The following SLC22A23 variants were observed in gnomAD, a reference collection of about 807,000 sequenced individuals.
SLC22A23 encodes ion transporter protein.
SLC22A23 carries 26 observed loss-of-function variants against 61.0 expected under a neutral mutation model. The observed-to-expected ratio is 0.43, with a 90% CI of 0.31 to 0.59. The LOEUF is 0.59. SLC22A23 is among the 20% of genes least tolerant of loss of function. The pLI is 0.11. For synonymous variants in SLC22A23, 430 were observed against 413.9 expected, an observed-to-expected ratio of 1.04 and a Z score of -0.47; for missense variants, 796 against 934.7, an observed-to-expected ratio of 0.85 and a Z score of 1.94.
intron 1 of SLC22A23, among the ~76,000 whole-genome samples, chr6:3,436,174 C>T (rs532839351): frequency 1.1e-4 from 17 of 151,634 alleles, no homozygotes; most frequent in African/African-American, 2.9e-4. Flanking sequence ...TTTTTTGAGA[C>T]GGAGTCTCAA....
At position 3,346,524 on chromosome 6, in the gene SLC22A23, C is replaced by G. The variant is rs376362031; in HGVS notation, c.914-22522G>C. Reference sequence around the variant, plus strand: ...TACTCTGTTCCAGCTTGGGTAGGGTCCCCTCCGTATCTGCTGCCACACAGC... The same window carrying G: ...TACTCTGTTCCAGCTTGGGTAGGGTGCCCTCCGTATCTGCTGCCACACAGC... On this transcript the variant is annotated intron_variant, in intron 3 of 9. Coordinates refer to ENST00000406686, the MANE Select transcript of SLC22A23 (RefSeq NM_015482.2). Among the ~76,000 whole-genome samples the G allele has an allele frequency of 3.3e-5, 5 of 152,328 alleles. No individual in the cohort carries two copies. The South Asian group carries it at 1.0e-3, about 32-fold the overall frequency.
chr6:3,354,412 A>G (rs9378363), intron 3 of SLC22A23, among the ~76,000 whole-genome samples: 59,783 of 152,124 alleles, frequency 0.39, 13,380 homozygotes, highest in African/African-American at 0.61. Flanking sequence ...AATCTCAAGA[A>G]GATTCAGATT....
chr6:3,395,025 A>T (rs1270673152), intron 3 of SLC22A23, among the ~76,000 whole-genome samples: 1 of 152,180 alleles, frequency 6.6e-6, no homozygotes, highest in East Asian at 1.9e-4. Flanking sequence ...ACGGGTCACC[A>T]AGGTGGGGCT....
chr6:3,428,182 G>C (rs1343878533), intron 1 of SLC22A23, among the ~76,000 whole-genome samples: 1 of 152,248 alleles, frequency 6.6e-6, no homozygotes, highest in Non-Finnish European at 1.5e-5. Flanking sequence ...AAAGGGAGCA[G>C]AGACCCTCTC....
chr6:3,279,509 CA>C (rs10642564), intron 9 of SLC22A23, among the ~76,000 whole-genome samples: 1,182 of 35,880 alleles, frequency 0.033, 6 homozygotes, highest in African/African-American at 0.061. Context: ...GGCTCCGTCT[CA>C]AAAAAAAAAA....
chr6:3,364,196 T>C (rs1031271281), intron 3 of SLC22A23, among the ~76,000 whole-genome samples: 5 of 152,200 alleles, frequency 3.3e-5, no homozygotes, highest in Admixed American at 2.0e-4. Context: ...ACACTAACTG[T>C]CCTTATGGTG....
chr6:3,316,610 A>G (rs1206907759), intron 4 of SLC22A23, among the ~76,000 whole-genome samples: 3 of 152,178 alleles, frequency 2.0e-5, no homozygotes, highest in African/African-American at 4.8e-5. Flanking sequence ...ACTAGCATCA[A>G]AATTCTGCAC....
At chr6:3,405,932 C>A (rs549182600) in intron 3 of SLC22A23, among the ~76,000 whole-genome samples, 7 of 152,274 alleles carry the variant, frequency 4.6e-5, no homozygotes, top group African/African-American at 1.7e-4. Context: ...CTGGTTGCTC[C>A]TTGATCTTGT....
In SLC22A23 at chr6:3,304,711, A is replaced by T. The variant is rs1338101033; in HGVS notation, c.1083-6493T>A. Among the ~76,000 whole-genome samples the T allele has an allele frequency of 6.6e-6, 1 of 151,974 alleles. No homozygotes were observed. Among genetic ancestry groups the T allele is most frequent in the Non-Finnish European group, 1.5e-5 (1 of 67,990 alleles). On this transcript the variant is annotated intron_variant, in intron 4 of 9. Transcript: ENST00000406686. This position sits in a 1 kb window ranked among gnomAD's most constrained non-coding sequence, Gnocchi z 4.3. ...TCTGGAGAGGCCGGGCTCTGCTTGG[A>T]CCGTCTTGGAAGATGAGCAGCTGCA...
intron 4 of SLC22A23, chr6:3,311,951 GGTCTT>G (rs1446310630): frequency 6.6e-6 from 1 of 152,170 alleles, no homozygotes. Flanking sequence ...ACGGCACCAA[GGTCTT>G]GCCTGGCTTC....
intron 5 of SLC22A23, among the ~76,000 whole-genome samples, chr6:3,292,297 C>T (rs1343334774): frequency 6.6e-6 from 1 of 152,210 alleles, no homozygotes; most frequent in Non-Finnish European, 1.5e-5. Context: ...TAGGACACTT[C>T]AGATGGTTCT....
At position 3,386,142 on chromosome 6, in the gene SLC22A23, C is replaced by T. The variant is rs575277270; in HGVS notation, c.913+24046G>A. ...AACTCACACCTTTCCACACCCCTCC[C>T]GGGTGTCTCATTACCTGACGAGGTG... On this transcript the variant is annotated intron_variant, in intron 3 of 9. Coordinates refer to ENST00000406686, the MANE Select transcript of SLC22A23 (RefSeq NM_015482.2). The surrounding 1 kb of genome is among the most constrained non-coding windows in gnomAD (Gnocchi z 4.4). Among the ~76,000 whole-genome samples, 218 of 152,294 alleles carry T rather than the reference C, an allele frequency of 1.4e-3. 6 individuals carry two copies. The highest frequency in any genetic ancestry group is 8.1e-3 in the East Asian group (42 of 5,188).
In SLC22A23 at chr6:3,323,915, C is replaced by T; in HGVS notation, c.1001G>A (p.Gly334Glu). 1.2e-6 allele frequency: 2 copies of T among 1,614,206 alleles called. No homozygotes were observed. The highest frequency in any genetic ancestry group is 8.5e-7 in the Non-Finnish European group (1 of 1,180,044). ...VAMAGQFLMPGLAALCRDWQV... is the reference protein window; with the variant it reads ...VAMAGQFLMPELAALCRDWQV... The stretch of plus-strand genomic sequence containing the variant: ...CCAATCCCGGCACAGGGCGGCTAGC[C>T]CAGGCATGAGGAACTGGCCCGCCAT... The change falls in exon 4 of 10, where the codon GGG (glycine) becomes GAG (glutamate). Residue 334 changes from glycine to glutamate, a missense_variant. Coordinates refer to ENST00000406686, the MANE Select transcript of SLC22A23 (RefSeq NM_015482.2).
In SLC22A23 at chr6:3,271,113, G is replaced by A. The variant is rs1758446383; in HGVS notation, c.*1942C>T. 6.6e-6 allele frequency: 1 copy of A among 152,390 alleles called. No homozygotes were observed. Among genetic ancestry groups the A allele is most frequent in the South Asian group, 2.1e-4 (1 of 4,834 alleles). 9.4% of individuals were successfully genotyped at this position (152,390 alleles called of 1,614,324 possible). On this transcript the variant is annotated 3_prime_UTR_variant, in exon 10 of 10. Transcript: ENST00000406686. The stretch of plus-strand genomic sequence containing the variant: ...GCTTTATAGCAAGTACTCCAAAAAA[G>A]GTAAAAGGAATTTCACAAGTTTGGC...
chr6:3,285,661 C>T (rs913305038), intron 7 of SLC22A23, among the ~76,000 whole-genome samples: 6 of 152,198 alleles, frequency 3.9e-5, no homozygotes, highest in African/African-American at 1.2e-4. Context: ...GGGAGACAGG[C>T]GCCACGTGTG....
chr6:3,395,301 G>A (rs751154061), intron 3 of SLC22A23, among the ~76,000 whole-genome samples: 4 of 152,108 alleles, frequency 2.6e-5, no homozygotes, highest in Non-Finnish European at 5.9e-5. Context: ...CTGCACAAAT[G>A]CAGGTCTAAC....
chr6:3,273,196 C>A lies in SLC22A23; in HGVS notation c.1920G>T (p.Pro640=), dbSNP rs770197470. The A allele has an allele frequency of 6.2e-7, 1 of 1,613,096 alleles. No individual in the cohort carries two copies. The highest frequency in any genetic ancestry group is 8.5e-7 in the Non-Finnish European group (1 of 1,179,750). ...ISNGEHYTRQ[P]LLPHKKGEQP... is the part of the protein sequence containing the mutation. ...GCTCCCCCTTCTTGTGCGGCAGCAGCGGCTGGCGCGTGTAGTGCTCCCCGT... is the reference window on the plus strand; with the variant it reads ...GCTCCCCCTTCTTGTGCGGCAGCAGAGGCTGGCGCGTGTAGTGCTCCCCGT... The change falls in exon 10 of 10, where the codon CCG becomes CCT. Residue 640 remains proline, a synonymous_variant. Coordinates refer to ENST00000406686, the MANE Select transcript of SLC22A23 (RefSeq NM_015482.2).
chr6:3,408,671 C>A (rs1381539490), intron 3 of SLC22A23, among the ~76,000 whole-genome samples: 2 of 152,194 alleles, frequency 1.3e-5, no homozygotes, highest in African/African-American at 4.8e-5. Context: ...AACCAATACA[C>A]CATCTTTGCG....
chr6:3,345,512 T>C (rs941048424), intron 3 of SLC22A23, among the ~76,000 whole-genome samples: 1 of 151,974 alleles, frequency 6.6e-6, no homozygotes, highest in Admixed American at 6.5e-5. Context: ...ATTACAGGTA[T>C]GCACCAACAC....
Sources: gnomAD v4.1 joint callset for allele counts (sites outside exome capture counted in the v4.1 genomes callset) on GRCh38, gnomAD v4.1.1 for gene constraint, Gnocchi (gnomAD v3.1) non-coding constraint, MANE v1.5 for transcripts, NCBI Gene and HGNC (gene_info 2026-07-23, HGNC 2026-07-21) for gene names.